Variants in SNAP91 observed in about 807,000 individuals in gnomAD.
The protein encoded by SNAP91 is synaptosome associated protein 91.
Under a neutral mutation model 100.3 loss-of-function variants are expected in SNAP91, and 27 were observed. The observed-to-expected ratio is 0.27, with a 90% CI of 0.20 to 0.37. The LOEUF (loss-of-function observed/expected upper bound fraction) is 0.37. Among genes scored for constraint, SNAP91 ranks in the 10% least tolerant of loss-of-function variants. The probability of loss-of-function intolerance (pLI) is 1.00; values close to 1 mark genes in which losing one functional copy is unlikely to be tolerated. For synonymous variants in SNAP91, 404 were observed against 398.6 expected, an observed-to-expected ratio of 1.01 and a Z score of -0.16; for missense variants, 986 against 1,123.7, an observed-to-expected ratio of 0.88 and a Z score of 1.75.
intron 7 of SNAP91, among the ~76,000 whole-genome samples, chr6:83,650,663 C>G (rs1038536467): frequency 2.0e-5 from 3 of 152,206 alleles, no homozygotes; most frequent in Non-Finnish European, 4.4e-5. Context: ...AGTGATCCAT[C>G]CCCCTTGGCA....
At chr6:83,638,834 T>C (rs529443900) in intron 8 of SNAP91, among the ~76,000 whole-genome samples, 89 of 152,344 alleles carry the variant, frequency 5.8e-4, no homozygotes, top group African/African-American at 1.8e-3. Flanking sequence ...GCAAATATTC[T>C]GGGAGATGTA....
Position 83,575,341 on chromosome 6 carries a change from C to T in SNAP91, c.2331-220G>A, listed in dbSNP as rs1816592303. 8 of 530,646 alleles carry T rather than the reference C, an allele frequency of 1.5e-5. No individual in the cohort carries two copies. In the South Asian group the frequency reaches 1.9e-4, roughly 12 times the overall value. The allele number at this position is 530,646 out of a possible 1,614,324, so 32.9% of individuals were successfully genotyped here. On this transcript the variant is annotated intron_variant, in intron 25 of 29. Transcript: ENST00000369694. ...GAAAAAAAATCATTTAGAGTTTGGA[C>T]CTCAATAAGTATAGGAATTTCCTAT...
intron 9 of SNAP91, among the ~76,000 whole-genome samples, chr6:83,621,247 A>T (rs1443438802): frequency 1.3e-5 from 2 of 152,154 alleles, no homozygotes; most frequent in African/African-American, 2.4e-5. Context: ...TTTACTTGGG[A>T]TATTGGCCTC....
chr6:83,572,811 A>G (rs1584621740), intron 26 of SNAP91, among the ~76,000 whole-genome samples: 1 of 152,232 alleles, frequency 6.6e-6, no homozygotes, highest in Admixed American at 6.5e-5. Flanking sequence ...TTACTTTGAT[A>G]ATGATAATAT....
chr6:83,674,152 T>C (rs1016109459), intron 2 of SNAP91, among the ~76,000 whole-genome samples: 1 of 152,180 alleles, frequency 6.6e-6, no homozygotes, highest in Admixed American at 6.6e-5. Flanking sequence ...AGGCCAGTTG[T>C]GGTGGCTCAC....
chr6:83,572,870 C>T (rs1468274190), intron 26 of SNAP91, among the ~76,000 whole-genome samples: 2 of 152,182 alleles, frequency 1.3e-5, no homozygotes, highest in African/African-American at 2.4e-5. Context: ...AACAGACTCA[C>T]CAAATCAGTT....
intron 8 of SNAP91, among the ~76,000 whole-genome samples, chr6:83,637,677 G>A (rs217329): frequency 2.6e-5 from 4 of 152,102 alleles, no homozygotes; most frequent in Admixed American, 6.5e-5. Context: ...GCTTTCAGGC[G>A]GCACCCTTCT....
intron 2 of SNAP91, chr6:83,678,949 G>GC: frequency 1.2e-6 from 1 of 848,508 alleles, no homozygotes; most frequent in Non-Finnish European, 1.5e-6. Flanking sequence ...TAAGTGAAAT[G>GC]AAAAAAAAAA....
At chr6:83,638,980 A>G (rs1442356492) in intron 8 of SNAP91, among the ~76,000 whole-genome samples, 1 of 152,220 alleles carries the variant, frequency 6.6e-6, no homozygotes, top group Non-Finnish European at 1.5e-5. Flanking sequence ...CTGCCATAGG[A>G]GACTTCAGAT....
chr6:83,670,174 T>A (rs1266704396), intron 2 of SNAP91, among the ~76,000 whole-genome samples: 1 of 151,836 alleles, frequency 6.6e-6, no homozygotes, highest in African/African-American at 2.4e-5. Context: ...ATTTCTACCA[T>A]GCTACATTAC....
At chr6:83,595,239 A>G (rs1354102270) in intron 16 of SNAP91, among the ~76,000 whole-genome samples, 5 of 152,214 alleles carry the variant, frequency 3.3e-5, no homozygotes, top group African/African-American at 9.6e-5. Flanking sequence ...AACATAACCA[A>G]TAAGTTATTT....
intron 14 of SNAP91, among the ~76,000 whole-genome samples, chr6:83,603,764 G>C (rs80073787): frequency 0.084 from 12,729 of 152,110 alleles, 1,741 homozygotes; most frequent in African/African-American, 0.28. Flanking sequence ...CAGCCCCCTT[G>C]CCCTGCCTTT....
chr6:83,616,009 A>C (rs1004296145), intron 10 of SNAP91, among the ~76,000 whole-genome samples: 1 of 152,224 alleles, frequency 6.6e-6, no homozygotes, highest in African/African-American at 2.4e-5. Flanking sequence ...ACAGATTCCA[A>C]GCTCTCCCTG....
At chr6:83,612,673 C>T (rs1302549277) in intron 11 of SNAP91, among the ~76,000 whole-genome samples, 1 of 151,800 alleles carries the variant, frequency 6.6e-6, no homozygotes, top group African/African-American at 2.4e-5. Context: ...GTCAGGAGTT[C>T]GACACCAGCC....
chr6:83,631,335 T>A (rs549568782), intron 8 of SNAP91, among the ~76,000 whole-genome samples: 1 of 152,304 alleles, frequency 6.6e-6, no homozygotes, highest in South Asian at 2.1e-4. Context: ...GATGGAATGT[T>A]CTATATACAT....
At chr6:83,577,042 G>GA (rs933078530) in intron 24 of SNAP91, among the ~76,000 whole-genome samples, 2 of 152,244 alleles carry the variant, frequency 1.3e-5, no homozygotes, top group Middle Eastern at 3.4e-3. Flanking sequence ...AAAGCTTATG[G>GA]AAAAATGAAA....
intron 2 of SNAP91, among the ~76,000 whole-genome samples, chr6:83,680,675 T>A (rs1018837655): frequency 6.6e-6 from 1 of 152,178 alleles, no homozygotes; most frequent in African/African-American, 2.4e-5. Context: ...TTTCTTAGCC[T>A]TGGCACTACT....
intron 16 of SNAP91, among the ~76,000 whole-genome samples, chr6:83,596,684 G>T (rs1442003872): frequency 6.6e-6 from 1 of 151,642 alleles, no homozygotes; most frequent in Non-Finnish European, 1.5e-5. Flanking sequence ...AGCTCAATTA[G>T]CCATTCCACA....
intron 2 of SNAP91, among the ~76,000 whole-genome samples, chr6:83,677,966 G>A (rs373573946): frequency 6.6e-6 from 1 of 152,134 alleles, no homozygotes; most frequent in Non-Finnish European, 1.5e-5. Context: ...TCTCTAAGCT[G>A]GCAGTAATTG....
Sources: gnomAD v4.1 joint callset for allele counts (sites outside exome capture counted in the v4.1 genomes callset) on GRCh38, gnomAD v4.1.1 for gene constraint, MANE v1.5 for transcripts, NCBI Gene and HGNC (gene_info 2026-07-23, HGNC 2026-07-21) for gene names.